Variants in CWF19L1 observed in about 807,000 individuals in gnomAD.
CWF19L1 encodes the protein CWF19-like protein 1.
A neutral mutation model predicts 69.7 loss-of-function variants in CWF19L1; 60 were observed. The observed-to-expected ratio is 0.86, with a 90% CI of 0.70 to 1.07. CWF19L1 has a LOEUF of 1.07. Among genes scored for constraint, CWF19L1 ranks in the 50% least tolerant of loss-of-function variants. The pLI, the probability that CWF19L1 is intolerant of heterozygous loss-of-function variation, is 0.00. For missense variants in CWF19L1, 591 were observed against 638.9 expected, an observed-to-expected ratio of 0.92 and a Z score of 0.81; for synonymous variants, 209 against 222.2, an observed-to-expected ratio of 0.94 and a Z score of 0.53.
At chr10:100,243,472 T>C (rs1846701940) in intron 10 of CWF19L1, among the ~76,000 whole-genome samples, 1 of 152,100 alleles carries the variant, frequency 6.6e-6, no homozygotes, top group Admixed American at 6.6e-5. Flanking sequence ...GAGGCTAAAG[T>C]TGGGAACAGG....
intron 6 of CWF19L1, among the ~76,000 whole-genome samples, chr10:100,251,713 G>GT (rs1340220037): frequency 1.3e-5 from 2 of 151,848 alleles, no homozygotes; most frequent in Non-Finnish European, 2.9e-5. Flanking sequence ...GGGTTTCACC[G>GT]TGTTGGCCAG....
At position 100,235,746 on chromosome 10, in the gene CWF19L1, C is replaced by T; in HGVS notation, c.1393G>A (p.Ala465Thr). ...DIKQIAQPGA[A>T]YFYVELDTGE... is the part of the protein sequence containing the mutation. ...GTGTCAAGTTCAACATAAAAATATG[C>T]TGCTCCTGGCTGTGCAATCTAAAGT... The change falls in exon 13 of 14, where the codon GCA becomes ACA. Residue 465 changes from alanine (A) to threonine (T), a missense_variant. Coordinates refer to ENST00000354105, the MANE Select transcript of CWF19L1 (RefSeq NM_018294.6). The T allele has an allele frequency of 6.2e-7, 1 of 1,610,698 alleles. No individual in the cohort carries two copies. The highest frequency in any genetic ancestry group is 1.1e-5 in the South Asian group (1 of 91,058).
intron 1 of CWF19L1, among the ~76,000 whole-genome samples, chr10:100,265,511 CTTTTTTTCTTTTTCT>C (rs1847547282): frequency 7.0e-6 from 1 of 142,576 alleles, no homozygotes; most frequent in Non-Finnish European, 1.5e-5. Flanking sequence ...ACAGTATTTT[CTTTTTTTCTTTTTCT>C]TTTTTTTTTT....
intron 9 of CWF19L1, among the ~76,000 whole-genome samples, chr10:100,245,080 T>G (rs1275630437): frequency 6.6e-6 from 1 of 151,368 alleles, no homozygotes; most frequent in South Asian, 2.1e-4. Context: ...TGGAGTGCAA[T>G]GGCATCATCT....
rs188447217 is a variant in CWF19L1, at chr10:100,240,726, T to G, written c.1045-2495A>C. 1.5e-3 allele frequency among the ~76,000 whole-genome samples: 226 copies of G among 152,314 alleles called. 1 individual carries two copies. The highest frequency in any genetic ancestry group is 2.5e-3 in the Non-Finnish European group (172 of 68,028). The stretch of plus-strand genomic sequence containing the variant: ...ATCTCTTATCTCCTGCGTGTGATCT[T>G]GAACCTATTGAAGCTTCCCAAACAG... On this transcript the variant is annotated intron_variant, in intron 10 of 13. Coordinates refer to ENST00000354105, the MANE Select transcript of CWF19L1 (RefSeq NM_018294.6).
rs959089788 is a variant in CWF19L1, at chr10:100,266,524, C to CT, written c.23+1046dup. 2.0e-4 allele frequency among the ~76,000 whole-genome samples: 29 copies of CT among 147,164 alleles called. No homozygotes were observed. The South Asian group carries it at 4.6e-3, about 23-fold the overall frequency. On this transcript the variant is annotated intron_variant, in intron 1 of 13. Coordinates refer to ENST00000354105, the MANE Select transcript of CWF19L1 (RefSeq NM_018294.6). ...GGTAACTTTACATTTATCTGAATTC[C>CT]TTTTTTTTTAGACGGAGTCTCACTC... is the stretch of plus-strand genomic sequence containing the variant.
chr10:100,246,798 A>G lies in CWF19L1; in HGVS notation c.846T>C (p.Pro282=). The change falls in exon 8 of 14, where the codon CCT becomes CCC. Residue 282 remains proline (P), a synonymous_variant. Transcript: ENST00000354105. ...CCAACCCTCAATCAGAACATACCAC[A>G]GGGGCAAGAATTTGCTTTCCTATGG... The part of the protein sequence containing the change: ...EASIGKQILA[P]VEESACQFFF... 2 of 1,613,376 alleles carry G rather than the reference A, an allele frequency of 1.2e-6. No individual in the cohort carries two copies. The highest frequency in any genetic ancestry group is 1.7e-6 in the Non-Finnish European group (2 of 1,179,498).
rs1269690417 is a variant in CWF19L1 at position 100,232,477 on chromosome 10, A to G, written c.*750T>C. On this transcript the variant is annotated 3_prime_UTR_variant, in exon 14 of 14. Transcript: ENST00000354105. The stretch of plus-strand genomic sequence containing the variant: ...ACCCAGGCTGGAGTGCAATGGAGCG[A>G]TCTTGGCTCACTGCAACCTCCACCT... The G allele has an allele frequency of 2.0e-5, 3 of 152,338 alleles. No individual in the cohort carries two copies. The highest frequency in any genetic ancestry group is 7.2e-5 in the African/African-American group (3 of 41,428). The allele number at this position is 152,338 out of a possible 1,614,324, so 9.4% of individuals were successfully genotyped here.
At chr10:100,255,307 G>A (rs529437114) in intron 5 of CWF19L1, among the ~76,000 whole-genome samples, 11 of 147,660 alleles carry the variant, frequency 7.4e-5, no homozygotes, top group South Asian at 2.2e-4. Context: ...TCACTAGAGC[G>A]CAGGAGTTCA....
intron 12 of CWF19L1, 65 bp from the exon 13 acceptor site, chr10:100,235,829 T>C (rs1846416565): frequency 8.8e-7 from 1 of 1,131,434 alleles, no homozygotes; most frequent in African/African-American, 1.5e-5. Context: ...TCTGAGTTCA[T>C]CTCTAGGCAA....
intron 7 of CWF19L1, chr10:100,248,501 T>G: frequency 1.5e-6 from 1 of 681,440 alleles, no homozygotes; most frequent in Admixed American, 2.1e-5. Flanking sequence ...CAGTCATCAC[T>G]GATAGCAAAG....
At chr10:100,234,546 G>A (rs1846372631) in intron 13 of CWF19L1, among the ~76,000 whole-genome samples, 1 of 152,126 alleles carries the variant, frequency 6.6e-6, no homozygotes, top group Non-Finnish European at 1.5e-5. Context: ...TAGCACACTT[G>A]TTCCCATTTA....
intron 9 of CWF19L1, 104 bp downstream of exon 9, chr10:100,245,695 T>G (rs1446662073): frequency 1.2e-6 from 1 of 809,256 alleles, no homozygotes; most frequent in East Asian, 2.5e-5. Context: ...ATTGCACAAT[T>G]CTCCCCTGCC....
intron 6 of CWF19L1, 34 bp from the exon 7 acceptor site, chr10:100,250,366 C>G (rs777932039): frequency 7.2e-7 from 1 of 1,394,310 alleles, no homozygotes; most frequent in South Asian, 1.2e-5. Context: ...AAATTGCAAA[C>G]AATTTTACTT....
rs183421445 is a variant in CWF19L1, at chr10:100,239,593, C to T, written c.1045-1362G>A. Reference sequence around the variant, plus strand: ...GGCGGAGGTTACAGTGAGCCGAGATCGTGCCACTGCACTCCAGCCTGGGCG... The same window carrying T: ...GGCGGAGGTTACAGTGAGCCGAGATTGTGCCACTGCACTCCAGCCTGGGCG... On this transcript the variant is annotated intron_variant, in intron 10 of 13. Transcript: ENST00000354105. Among the ~76,000 whole-genome samples, 5 of 152,198 alleles carry T rather than the reference C, an allele frequency of 3.3e-5. No homozygotes were observed. In the East Asian group the frequency reaches 5.8e-4, roughly 18 times the overall value.
chr10:100,248,302 T>C, intron 7 of CWF19L1: 1 of 1,366,514 alleles, frequency 7.3e-7, no homozygotes, highest in Non-Finnish European at 1.0e-6. Flanking sequence ...AAGTTTGGCC[T>C]GGCCTTAGCT....
Position 100,250,476 on chromosome 10 carries a change from T to C in CWF19L1, c.624-144A>G, listed in dbSNP as rs546340191. The C allele has an allele frequency of 1.9e-5, 12 of 628,052 alleles. No individual in the cohort carries two copies. The Admixed American group carries it at 2.4e-4, about 13-fold the overall frequency. 38.9% of individuals were successfully genotyped at this position (628,052 alleles called of 1,614,324 possible). A position where few individuals can be genotyped will look rare whatever the true frequency, so the allele number is the denominator to read the frequency against. ...AGTCAAATGATTTCAGATAAGTTAC[T>C]ATCTATCCGTCTAATAGGGCAACAA... On this transcript the variant is annotated intron_variant, in intron 6 of 13. Coordinates refer to ENST00000354105, the MANE Select transcript of CWF19L1 (RefSeq NM_018294.6).
At chr10:100,259,100 C>T (rs957413966) in intron 4 of CWF19L1, among the ~76,000 whole-genome samples, 1 of 151,192 alleles carries the variant, frequency 6.6e-6, no homozygotes, top group African/African-American at 2.4e-5. Context: ...ACTCGGAAGG[C>T]TGAGGCAGGA....
Position 100,256,492 on chromosome 10 carries a change from A to G in CWF19L1, c.290-16T>C. The stretch of plus-strand genomic sequence containing the variant: ...CCTTTACGACCTGGGTTCAAAGAAA[A>G]ATGAACAAATTTTAGTCAGAATTGC... On this transcript the variant is annotated splice_polypyrimidine_tract_variant and intron_variant, in intron 4 of 13. Coordinates refer to ENST00000354105, the MANE Select transcript of CWF19L1 (RefSeq NM_018294.6). 1 of 1,610,264 alleles carries G rather than the reference A, an allele frequency of 6.2e-7. No individual in the cohort carries two copies. Among genetic ancestry groups the G allele is most frequent in the Non-Finnish European group, 8.5e-7 (1 of 1,176,578 alleles).
Sources: allele counts gnomAD v4.1 joint callset (sites outside exome capture counted in the v4.1 genomes callset), GRCh38; gene constraint gnomAD v4.1.1; transcripts MANE v1.5; gene names NCBI Gene and HGNC (gene_info 2026-07-23, HGNC 2026-07-21).